Variants in MAP3K20 observed in about 807,000 individuals in gnomAD.
The protein encoded by MAP3K20 is mitogen-activated protein kinase kinase kinase 20.
A neutral mutation model predicts 85.7 loss-of-function variants in MAP3K20; 40 were observed. The observed-to-expected ratio is 0.47, with a 90% CI of 0.36 to 0.61. MAP3K20 has a LOEUF of 0.61. Among genes scored for constraint, MAP3K20 ranks in the 20% least tolerant of loss-of-function variants. The pLI is 0.00. For missense variants in MAP3K20, 817 were observed against 961.7 expected (o/e 0.85, Z 1.99); for synonymous variants, 325 against 327.7 (o/e 0.99, Z 0.09).
intron 2 of MAP3K20, among the ~76,000 whole-genome samples, chr2:173,146,186 A>C (rs1373994374): frequency 2.0e-5 from 3 of 151,996 alleles, no homozygotes; most frequent in African/African-American, 7.2e-5. Flanking sequence ...ATTATACATA[A>C]ATTTTACCTC....
Position 173,134,286 on chromosome 2 carries a change from A to G in MAP3K20, c.160-35519A>G, listed in dbSNP as rs370952758. Among the ~76,000 whole-genome samples, 8 of 137,360 alleles carry G rather than the reference A, an allele frequency of 5.8e-5. No individual in the cohort carries two copies. In the East Asian group the frequency reaches 1.7e-3, roughly 29 times the overall value. The allele number at this position is 137,360 out of a possible 152,430, so 90.1% of individuals were successfully genotyped here. On this transcript the variant is annotated intron_variant, in intron 2 of 19. Coordinates refer to ENST00000375213, the MANE Select transcript of MAP3K20 (RefSeq NM_016653.3). ...GCTTACTGGCTTACTGCAACCTCCA[A>G]CTCCCAGGTTCAAGCAGTTCTCCAG... is the stretch of plus-strand genomic sequence containing the variant.
intron 4 of MAP3K20, among the ~76,000 whole-genome samples, chr2:173,185,079 T>TA (rs755557798): frequency 3.3e-5 from 5 of 152,020 alleles, no homozygotes; most frequent in Non-Finnish European, 7.4e-5. Flanking sequence ...CTGTTTCTAC[T>TA]AAAAATACAA....
At chr2:173,240,488 T>A (rs1226391146) in intron 16 of MAP3K20, among the ~76,000 whole-genome samples, 2 of 152,146 alleles carry the variant, frequency 1.3e-5, no homozygotes, top group African/African-American at 4.8e-5. Context: ...CCAAAGATGC[T>A]CTTTCTAATA....
chr2:173,230,415 G>A (rs1008015669), intron 12 of MAP3K20, among the ~76,000 whole-genome samples: 3 of 152,178 alleles, frequency 2.0e-5, no homozygotes, highest in Non-Finnish European at 4.4e-5. Context: ...GTACACCGCT[G>A]AACCGGCTTT....
chr2:173,227,706 ACTT>A (rs936953982), intron 11 of MAP3K20, among the ~76,000 whole-genome samples: 33 of 152,322 alleles, frequency 2.2e-4, no homozygotes, highest in African/African-American at 7.2e-4. Flanking sequence ...TCAAAAAAAT[ACTT>A]CTTTCTCAAT....
intron 2 of MAP3K20, among the ~76,000 whole-genome samples, chr2:173,115,491 T>C (rs942513230): frequency 6.6e-6 from 1 of 152,128 alleles, no homozygotes; most frequent in Non-Finnish European, 1.5e-5. Flanking sequence ...AAGAGCCTTG[T>C]TTTCTTATAT....
At chr2:173,180,353 C>A (rs183933166) in intron 3 of MAP3K20, among the ~76,000 whole-genome samples, 48 of 152,206 alleles carry the variant, frequency 3.2e-4, no homozygotes, top group South Asian at 6.2e-4. Context: ...GCCAAGACAG[C>A]CTTTGATTGC....
chr2:173,210,036 G>T, intron 10 of MAP3K20: 1 of 569,398 alleles, frequency 1.8e-6, no homozygotes, highest in South Asian at 2.1e-5. Context: ...CTCCAAGCTT[G>T]TTGCCTTGTG....
In MAP3K20 at chr2:173,215,181, A is replaced by G. The variant is rs530089913; in HGVS notation, c.852-1934A>G. Among the ~76,000 whole-genome samples the G allele has an allele frequency of 1.1e-3, 175 of 152,314 alleles. No homozygotes were observed. In the South Asian group the frequency reaches 0.018, roughly 16 times the overall value. On this transcript the variant is annotated intron_variant, in intron 10 of 19. Coordinates refer to ENST00000375213, the MANE Select transcript of MAP3K20 (RefSeq NM_016653.3). ...CCCTGGTCTAAAAGAACATCAGTCA[A>G]TCTGTCTCACTGGCAGGGGTGTGGG...
intron 8 of MAP3K20, among the ~76,000 whole-genome samples, chr2:173,200,739 C>T (rs1422571294): frequency 6.6e-6 from 1 of 152,016 alleles, no homozygotes. Context: ...AAGGCTGCCA[C>T]CATTATCATA....
At chr2:173,230,023 C>A (rs1045198277) in intron 12 of MAP3K20, among the ~76,000 whole-genome samples, 1 of 151,936 alleles carries the variant, frequency 6.6e-6, no homozygotes, top group Non-Finnish European at 1.5e-5. Flanking sequence ...GTAGAGATGG[C>A]GTTTCACCAT....
intron 2 of MAP3K20, among the ~76,000 whole-genome samples, chr2:173,152,623 A>G (rs1574061100): frequency 1.3e-5 from 2 of 152,182 alleles, no homozygotes; most frequent in African/African-American, 2.4e-5. Context: ...AGTGACAGTC[A>G]GATTAAGGAC....
chr2:173,189,859 T>C (rs1690596760), intron 5 of MAP3K20, among the ~76,000 whole-genome samples: 1 of 152,172 alleles, frequency 6.6e-6, no homozygotes, highest in African/African-American at 2.4e-5. Flanking sequence ...ATTTTTTGAC[T>C]CGGTCAACTT....
chr2:173,110,432 T>C (rs979434324), intron 2 of MAP3K20, among the ~76,000 whole-genome samples: 3 of 150,542 alleles, frequency 2.0e-5, no homozygotes, highest in African/African-American at 7.3e-5. Flanking sequence ...TAAAAAAAAT[T>C]TTTTTCCATA....
intron 10 of MAP3K20, chr2:173,210,824 T>C (rs1331369895): frequency 6.6e-6 from 1 of 152,206 alleles, no homozygotes; most frequent in Non-Finnish European, 1.5e-5. Context: ...CTTTGAAAAT[T>C]ACTGCGTTGT....
intron 2 of MAP3K20, among the ~76,000 whole-genome samples, chr2:173,121,887 A>G (rs951479768): frequency 2.6e-5 from 4 of 152,138 alleles, no homozygotes; most frequent in African/African-American, 9.7e-5. Flanking sequence ...TACTAAGCCC[A>G]CATTTAGTCT....
Position 173,232,196 on chromosome 2 carries a change from G to T in MAP3K20, c.1037G>T (p.Cys346Phe). ...IGAWTEDDVY[C>F]WVQQLVRKGD... is the part of the protein sequence containing the mutation. ...TATGTGTCCTCTCTTTCACAGTATT[G>T]TTGGGTTCAGCAGCTCGTCAGAAAA... The change falls in exon 13 of 20, where the codon TGT (cysteine) becomes TTT (phenylalanine). Residue 346 changes from cysteine (C) to phenylalanine (F), a missense_variant. By Grantham distance (205) the Cys-to-Phe change is radical. This residue lies in a region of MAP3K20 where 158 missense variants were observed against 162.0 expected (regional missense o/e 0.98). Coordinates refer to ENST00000375213, the MANE Select transcript of MAP3K20 (RefSeq NM_016653.3). 1 of 1,614,204 alleles carries T rather than the reference G, an allele frequency of 6.2e-7. No individual in the cohort carries two copies. The highest frequency in any genetic ancestry group is 8.5e-7 in the Non-Finnish European group (1 of 1,180,028).
intron 11 of MAP3K20, among the ~76,000 whole-genome samples, chr2:173,220,534 A>C (rs1308848399): frequency 6.6e-6 from 1 of 152,224 alleles, no homozygotes; most frequent in African/African-American, 2.4e-5. Flanking sequence ...TAATTTGAAT[A>C]AATAGTATTA....
In MAP3K20 at chr2:173,224,129, T is replaced by A. The variant is rs959765851; in HGVS notation, c.988-5560T>A. 8.2e-6 allele frequency: 7 copies of A among 852,086 alleles called. No homozygotes were observed. In the Admixed American group the frequency reaches 4.3e-4, roughly 53 times the overall value. 52.8% of individuals were successfully genotyped at this position (852,086 alleles called of 1,614,324 possible). On this transcript the variant is annotated intron_variant, in intron 11 of 19. Coordinates refer to ENST00000375213, the MANE Select transcript of MAP3K20 (RefSeq NM_016653.3). ...ATCATATGTTCACATTTGATAAGTA[T>A]ATGCCAAAAAATGAAGCCGGGAAGG...
Sources: allele counts gnomAD v4.1 joint callset (sites outside exome capture counted in the v4.1 genomes callset), GRCh38; gene constraint gnomAD v4.1.1; regional missense constraint gnomAD v4.1.1; transcripts MANE v1.5; gene names NCBI Gene and HGNC (gene_info 2026-07-23, HGNC 2026-07-21).